The following AATK variants were observed in gnomAD, a reference collection of about 807,000 sequenced individuals.
AATK encodes lemur tail kinase 1, also known as serine/threonine-protein kinase LMTK1.
AATK carries 91 observed loss-of-function variants against 114.3 expected under a neutral mutation model. That is an observed-to-expected ratio of 0.80 (90% CI 0.67 to 0.95). AATK has a LOEUF of 0.95. AATK is among the 40% of genes least tolerant of loss of function. AATK has a pLI of 0.00. For missense variants in AATK, 2,176 were observed against 1,965.2 expected, an observed-to-expected ratio of 1.11 and a Z score of -2.03; for synonymous variants, 1,075 against 916.5, an observed-to-expected ratio of 1.17 and a Z score of -3.12.
At chr17:81,129,264 A>G (rs1195385980) in intron 3 of AATK, among the ~76,000 whole-genome samples, 2 of 152,196 alleles carry the variant, frequency 1.3e-5, no homozygotes, top group Non-Finnish European at 2.9e-5. Context: ...GGAGACCCAG[A>G]GAATGTAGAG....
rs973635556 is a variant in AATK, at chr17:81,128,403, A to G, written c.414+67T>C. 8.5e-6 allele frequency: 13 copies of G among 1,521,372 alleles called. No individual in the cohort carries two copies. The East Asian group carries it at 3.2e-4, about 38-fold the overall frequency. 94.2% of individuals were successfully genotyped at this position (1,521,372 alleles called of 1,614,324 possible). On this transcript the variant is annotated intron_variant, in intron 4 of 13. Transcript: ENST00000326724. ...GGCTGGGGTGGCTCCTAGGAGGAGC[A>G]GGTCTGCAGCCCTGTGTCCCTTCTG...
At position 81,126,339 on chromosome 17, in the gene AATK, C is replaced by T. The variant is rs1030422805; in HGVS notation, c.755+88G>A. The T allele has an allele frequency of 1.4e-6, 2 of 1,460,548 alleles. No homozygotes were observed. Among genetic ancestry groups the T allele is most frequent in the Admixed American group, 2.3e-5 (1 of 43,256 alleles). The allele number at this position is 1,460,548 out of a possible 1,614,324, so 90.5% of individuals were successfully genotyped here. A position where few individuals can be genotyped will look rare whatever the true frequency, so the allele number is the denominator to read the frequency against. On this transcript the variant is annotated intron_variant, in intron 7 of 13. Coordinates refer to ENST00000326724, the MANE Select transcript of AATK (RefSeq NM_001080395.3). The surrounding 1 kb of genome is among the most constrained non-coding windows in gnomAD (Gnocchi z 5.1). ...TGAACCTGGCCGGTCCTCGCAAGCC[C>T]CCTGAGGCAGGACCCGCCCTATGCC... is the stretch of plus-strand genomic sequence containing the variant.
intron 12 of AATK, 85 bp downstream of exon 12, chr17:81,119,850 GT>G: frequency 7.2e-7 from 1 of 1,380,242 alleles, no homozygotes; most frequent in Non-Finnish European, 9.4e-7. Context: ...CTCCCATGAT[GT>G]CACACATTAG....
intron 7 of AATK, chr17:81,125,216 CTG>C (rs1491344412): frequency 1.2e-5 from 8 of 675,664 alleles, no homozygotes; most frequent in Non-Finnish European, 2.2e-5. Context: ...GGGCCCTACT[CTG>C]TGCCCAACCC....
At chr17:81,147,102 C>T (rs1002349641) in intron 1 of AATK, among the ~76,000 whole-genome samples, 2 of 151,456 alleles carry the variant, frequency 1.3e-5, no homozygotes, top group East Asian at 1.9e-4. Context: ...GTGGCTCCCG[C>T]CTGTAATCTC....
chr17:81,130,169 G>A (rs1330828802), intron 3 of AATK, among the ~76,000 whole-genome samples: 2 of 152,250 alleles, frequency 1.3e-5, no homozygotes, highest in African/African-American at 4.8e-5. Flanking sequence ...TGCCAACAGA[G>A]CCCCAACAGG....
At chr17:81,159,653 A>G (rs4969412) in intron 1 of AATK, among the ~76,000 whole-genome samples, 139,767 of 152,062 alleles carry the variant, frequency 0.92, 64,310 homozygotes, top group East Asian at 0.98. Context: ...TCCCAGAAGC[A>G]GAGCAGAAGG....
rs1333159665 is a variant in AATK, at chr17:81,121,962, C to G, written c.1974G>C (p.Leu658=). Residue 658 remains leucine, a synonymous_variant, in exon 11 of 14, where the codon CTG becomes CTC. Coordinates refer to ENST00000326724, the MANE Select transcript of AATK (RefSeq NM_001080395.3). ...CCTCCTCTAGCTCATCCTCGCCAGTCAGCGGCAGCGGGGGCGCCCCTGAGC... is the reference window on the plus strand; with the variant it reads ...CCTCCTCTAGCTCATCCTCGCCAGTGAGCGGCAGCGGGGGCGCCCCTGAGC... ...LGSSGAPPLP[L]TGEDELEEVG... The G allele has an allele frequency of 6.3e-7, 1 of 1,599,760 alleles. No homozygotes were observed. Among genetic ancestry groups the G allele is most frequent in the South Asian group, 1.1e-5 (1 of 90,938 alleles).
intron 13 of AATK, 129 bp downstream of exon 13, chr17:81,119,236 GGGAAGGAGCGGGGCC>G: frequency 4.5e-6 from 1 of 223,436 alleles, no homozygotes; most frequent in Non-Finnish European, 6.6e-6. Context: ...GTCTGGGGCC[GGGAAGGAGCGGGGCC>G]GGGAAGGAGC....
chr17:81,149,919 G>C (rs913805841), intron 1 of AATK, among the ~76,000 whole-genome samples: 1 of 152,168 alleles, frequency 6.6e-6, no homozygotes, highest in Admixed American at 6.5e-5. Context: ...CCCTGAGGAA[G>C]GTGAGCAGCT....
chr17:81,139,936 T>C (rs2061097944), intron 1 of AATK, among the ~76,000 whole-genome samples: 1 of 152,226 alleles, frequency 6.6e-6, no homozygotes, highest in Non-Finnish European at 1.5e-5. Flanking sequence ...ACCAGGACTG[T>C]CACAGCCCAT....
At chr17:81,150,525 C>T (rs140795317) in intron 1 of AATK, among the ~76,000 whole-genome samples, 791 of 151,946 alleles carry the variant, frequency 5.2e-3, no homozygotes, top group Non-Finnish European at 8.4e-3. Context: ...TCTGGGAAGC[C>T]GCCCAGATCC....
chr17:81,129,491 G>A (rs1355693669), intron 3 of AATK, among the ~76,000 whole-genome samples: 1 of 152,152 alleles, frequency 6.6e-6, no homozygotes, highest in Non-Finnish European at 1.5e-5. Context: ...CAGCGGGTGG[G>A]GCCATTGCCC....
At chr17:81,159,440 G>A (rs1461032828) in intron 1 of AATK, among the ~76,000 whole-genome samples, 2 of 152,138 alleles carry the variant, frequency 1.3e-5, no homozygotes, top group Non-Finnish European at 2.9e-5. Context: ...GGGAAGCCCC[G>A]GACCCGCACC....
rs1305442399 is a variant in AATK, at chr17:81,122,658, G to C, written c.1278C>G (p.Pro426=). The change falls in exon 11 of 14, where the codon CCC becomes CCG. Residue 426 remains proline, a synonymous_variant. Transcript: ENST00000326724. ...SLRPGGGGVG[P]GPGAAGPMLG... is the part of the protein sequence containing the mutation. ...GCATGGGCCCCGCCGCACCGGGCCC[G>C]GGCCCCACGCCGCCCCCGCCGGGCC... 1.3e-5 allele frequency: 20 copies of C among 1,495,004 alleles called. No individual in the cohort carries two copies. The highest frequency in any genetic ancestry group is 1.3e-4 in the Admixed American group (6 of 44,882). The allele number at this position is 1,495,004 out of a possible 1,614,324, so 92.6% of individuals were successfully genotyped here. A position where few individuals can be genotyped will look rare whatever the true frequency, so the allele number is the denominator to read the frequency against.
At chr17:81,165,677 G>A in intron 1 of AATK, 1 of 1,511,606 alleles carries the variant, frequency 6.6e-7, no homozygotes, top group Non-Finnish European at 8.8e-7. Context: ...CCGTGCCCCA[G>A]TTACCTGTGC....
intron 1 of AATK, among the ~76,000 whole-genome samples, chr17:81,164,654 G>C (rs112259208): frequency 3.3e-5 from 5 of 152,358 alleles, no homozygotes; most frequent in African/African-American, 1.2e-4. Context: ...TCTGGGGGCA[G>C]AAAGGACCAA....
rs979759406 is a variant in AATK at position 81,126,114 on chromosome 17, G to T, written c.755+313C>A. Reference sequence around the variant, plus strand: ...GGGTCTGTCTCCCTCAAGCCCCAAAGCGAGGGCTTAGCAGAGTGTGGGGTT... The same window carrying T: ...GGGTCTGTCTCCCTCAAGCCCCAAATCGAGGGCTTAGCAGAGTGTGGGGTT... On this transcript the variant is annotated intron_variant, in intron 7 of 13. Coordinates refer to ENST00000326724, the MANE Select transcript of AATK (RefSeq NM_001080395.3). The surrounding 1 kb of genome is among the most constrained non-coding windows in gnomAD (Gnocchi z 5.1). Among the ~76,000 whole-genome samples, 27 of 152,204 alleles carry T rather than the reference G, an allele frequency of 1.8e-4. No homozygotes were observed. Among genetic ancestry groups the T allele is most frequent in the African/African-American group, 5.8e-4 (24 of 41,444 alleles).
intron 1 of AATK, among the ~76,000 whole-genome samples, chr17:81,155,680 G>A (rs183145266): frequency 4.7e-5 from 7 of 148,484 alleles, no homozygotes; most frequent in African/African-American, 1.0e-4. Context: ...CAGCGCGCCC[G>A]ACCTATAATA....
Sources: gnomAD v4.1 joint callset for allele counts (sites outside exome capture counted in the v4.1 genomes callset) on GRCh38, gnomAD v4.1.1 for gene constraint, Gnocchi (gnomAD v3.1) non-coding constraint, MANE v1.5 for transcripts, NCBI Gene and HGNC (gene_info 2026-07-23, HGNC 2026-07-21) for gene names.